Variants in MRTFB observed in about 807,000 individuals in gnomAD.
The protein encoded by MRTFB is myocardin related transcription factor B, also known as myocardin-related transcription factor B.
Under a neutral mutation model 104.2 loss-of-function variants are expected in MRTFB, and 29 were observed. The ratio of observed to expected loss-of-function variants is 0.28; its 90% CI spans 0.21 to 0.38. The LOEUF (loss-of-function observed/expected upper bound fraction) is 0.38, where lower values mean the gene tolerates loss of function less well. MRTFB is among the 10% of genes least tolerant of loss of function. The pLI, the probability that MRTFB is intolerant of heterozygous loss-of-function variation, is 1.00. For missense variants in MRTFB, 1,270 were observed against 1,341.6 expected, an observed-to-expected ratio of 0.95 and a Z score of 0.83; for synonymous variants, 535 against 519.5, an observed-to-expected ratio of 1.03 and a Z score of -0.41.
the MRTFB span, among the ~76,000 whole-genome samples, chr16:14,057,508 A>G: frequency 6.6e-6 from 1 of 152,046 alleles, no homozygotes; most frequent in Non-Finnish European, 1.5e-5. Context: ...TTCACCTCCA[A>G]GCAGATCCTA....
At chr16:14,156,281 C>T (rs2038826515) in intron 3 of MRTFB, among the ~76,000 whole-genome samples, 1 of 152,160 alleles carries the variant, frequency 6.6e-6, no homozygotes, top group Non-Finnish European at 1.5e-5. Context: ...CACATAGGAC[C>T]TTTGCTTTTC....
intron 2 of MRTFB, among the ~76,000 whole-genome samples, chr16:14,113,314 G>A (rs570424680): frequency 6.6e-6 from 1 of 152,360 alleles, no homozygotes; most frequent in Admixed American, 6.5e-5. Context: ...AGAGTGCTGG[G>A]ATTACAGGCG....
intron 2 of MRTFB, among the ~76,000 whole-genome samples, chr16:14,121,067 A>T (rs2142288791): frequency 6.6e-6 from 1 of 152,314 alleles, no homozygotes; most frequent in East Asian, 1.9e-4. Flanking sequence ...TTGCTCTCTT[A>T]AAACCTCACC....
At chr16:14,224,642 T>C (rs1166934379) in intron 8 of MRTFB, among the ~76,000 whole-genome samples, 1 of 152,208 alleles carries the variant, frequency 6.6e-6, no homozygotes, top group Non-Finnish European at 1.5e-5. Context: ...AGTGGATTTC[T>C]CAGTAGAAGC....
intron 3 of MRTFB, among the ~76,000 whole-genome samples, chr16:14,179,101 G>A (rs1005083645): frequency 3.9e-5 from 6 of 152,194 alleles, no homozygotes; most frequent in Non-Finnish European, 8.8e-5. Context: ...TAAATGAAGT[G>A]TAAACTCCTT....
At chr16:14,199,269 T>G (rs759652512) in intron 3 of MRTFB, among the ~76,000 whole-genome samples, 2 of 152,222 alleles carry the variant, frequency 1.3e-5, no homozygotes, top group African/African-American at 4.8e-5. Flanking sequence ...TGGATCTTCC[T>G]TCCCTATCTG....
intron 11 of MRTFB, 43 bp downstream of exon 11, chr16:14,245,703 A>G: frequency 6.3e-7 from 1 of 1,584,434 alleles, no homozygotes; most frequent in Non-Finnish European, 8.5e-7. Flanking sequence ...AAGTACCACA[A>G]ACATGTAAAT....
intron 3 of MRTFB, among the ~76,000 whole-genome samples, chr16:14,166,559 A>G (rs561072716): frequency 2.0e-5 from 3 of 152,284 alleles, no homozygotes; most frequent in Non-Finnish European, 4.4e-5. Flanking sequence ...AGTTTGTTAC[A>G]TAGGTAAATG....
At chr16:14,027,957 GC>G in the MRTFB span, among the ~76,000 whole-genome samples, 2 of 152,150 alleles carry the variant, frequency 1.3e-5, no homozygotes, top group Non-Finnish European at 2.9e-5. Context: ...CAGGCAGATG[GC>G]TTGAGCTTAG....
intron 3 of MRTFB, among the ~76,000 whole-genome samples, chr16:14,169,362 G>C (rs1229487663): frequency 6.6e-6 from 1 of 152,070 alleles, no homozygotes; most frequent in Non-Finnish European, 1.5e-5. Context: ...TGTATTCTGA[G>C]ATTATTGTCA....
At chr16:14,247,703 G>C (rs2043084331) in intron 12 of MRTFB, 196 bp downstream of exon 12, 1 of 593,842 alleles carries the variant, frequency 1.7e-6, no homozygotes. Flanking sequence ...AAAAAACACA[G>C]GATGCTTTTC....
intron 12 of MRTFB, 142 bp from the exon 13 acceptor site, chr16:14,248,784 G>A: frequency 1.3e-6 from 1 of 750,960 alleles, no homozygotes; most frequent in Non-Finnish European, 2.1e-6. Context: ...AGATTTCTGT[G>A]CAGATGAAGT....
chr16:14,218,398 T>G (rs146825216), intron 7 of MRTFB, among the ~76,000 whole-genome samples: 41 of 152,232 alleles, frequency 2.7e-4, no homozygotes, highest in African/African-American at 9.6e-4. Flanking sequence ...CCTGTCAGGA[T>G]CCAAACAAGG....
At chr16:14,254,892 A>G (rs902608339) in intron 15 of MRTFB, among the ~76,000 whole-genome samples, 1 of 152,248 alleles carries the variant, frequency 6.6e-6, no homozygotes, top group Non-Finnish European at 1.5e-5. Flanking sequence ...TTTCAAAGCA[A>G]CTACTATTAC....
At chr16:14,197,182 C>T (rs1377810844) in intron 3 of MRTFB, among the ~76,000 whole-genome samples, 1 of 151,888 alleles carries the variant, frequency 6.6e-6, no homozygotes, top group East Asian at 1.9e-4. Context: ...CCATATTGGC[C>T]AGGCTGGTCT....
At chr16:14,215,397 A>G (rs1285168610) in intron 6 of MRTFB, among the ~76,000 whole-genome samples, 1 of 152,222 alleles carries the variant, frequency 6.6e-6, no homozygotes, top group East Asian at 1.9e-4. Flanking sequence ...TTTGGCAGGC[A>G]AGGGTCTAAG....
intron 8 of MRTFB, among the ~76,000 whole-genome samples, chr16:14,233,386 G>A (rs75792234): frequency 0.018 from 2,694 of 152,264 alleles, 90 homozygotes; most frequent in Admixed American, 0.089. Context: ...ATGGGCATTC[G>A]GGAAGGATGC....
At chr16:14,037,321 G>T in the MRTFB span, among the ~76,000 whole-genome samples, 1 of 152,204 alleles carries the variant, frequency 6.6e-6, no homozygotes, top group African/African-American at 2.4e-5. Flanking sequence ...TATTGTTATG[G>T]CAATGGCATT....
intron 1 of MRTFB, among the ~76,000 whole-genome samples, chr16:14,078,715 C>G (rs764092465): frequency 6.6e-5 from 10 of 151,890 alleles, no homozygotes; most frequent in Non-Finnish European, 1.3e-4. Context: ...CTGGTGTAAG[C>G]CACTGTGCCC....
Sources: allele counts gnomAD v4.1 joint callset (sites outside exome capture counted in the v4.1 genomes callset), GRCh38; gene constraint gnomAD v4.1.1; transcripts MANE v1.5; gene names NCBI Gene and HGNC (gene_info 2026-07-23, HGNC 2026-07-21).